IDE: variants seen among roughly 807,000 people sequenced by gnomAD.
IDE encodes insulin-degrading enzyme.
Under a neutral mutation model 133.2 loss-of-function variants are expected in IDE, and 58 were observed. The observed-to-expected ratio is 0.44, with a 90% CI of 0.35 to 0.54. The LOEUF (loss-of-function observed/expected upper bound fraction) is 0.54, where lower values mean the gene tolerates loss of function less well. Ranked by LOEUF, IDE falls within the 20% of genes least tolerant of loss-of-function variation. The pLI is 0.00. For synonymous variants in IDE, 396 were observed against 421.3 expected, an observed-to-expected ratio of 0.94 and a Z score of 0.73; for missense variants, 981 against 1,234.0, an observed-to-expected ratio of 0.79 and a Z score of 3.07.
At chr10:92,511,102 CTT>C (rs749758838) in intron 5 of IDE, among the ~76,000 whole-genome samples, 10 of 105,388 alleles carry the variant, frequency 9.5e-5, no homozygotes, top group Admixed American at 2.0e-4. Flanking sequence ...AAAAAAAAAA[CTT>C]TTTTTTTTTT....
Position 92,487,187 on chromosome 10 carries a change from A to C in IDE, c.1656+9T>G. On this transcript the variant is annotated intron_variant, in intron 13 of 24. Coordinates refer to ENST00000265986, the MANE Select transcript of IDE (RefSeq NM_004969.4). The stretch of plus-strand genomic sequence containing the variant: ...CCCAAATTTAAAATCACTGATTCAA[A>C]CACATTACCTTAATAAGAGCAGGGT... The C allele has an allele frequency of 6.2e-7, 1 of 1,604,832 alleles. No homozygotes were observed. Among genetic ancestry groups the C allele is most frequent in the Non-Finnish European group, 8.5e-7 (1 of 1,177,408 alleles).
intron 12 of IDE, among the ~76,000 whole-genome samples, chr10:92,489,246 T>C (rs1847203967): frequency 1.3e-5 from 2 of 152,104 alleles, no homozygotes; most frequent in South Asian, 4.1e-4. Flanking sequence ...AGTTCCCAGA[T>C]AGATGTGTTC....
intron 1 of IDE, among the ~76,000 whole-genome samples, chr10:92,555,215 G>A (rs1309653466): frequency 6.6e-6 from 1 of 151,986 alleles, no homozygotes; most frequent in African/African-American, 2.4e-5. Flanking sequence ...TCACACTAAA[G>A]AGGCCGGGCA....
rs537629660 is a variant in IDE at position 92,559,110 on chromosome 10, T to C, written c.98+14812A>G. The stretch of plus-strand genomic sequence containing the variant: ...CCACCAGGATGGCTTATAACAAAAG[T>C]ACATATAGCAAGTGTTGTCAAGGAT... On this transcript the variant is annotated intron_variant, in intron 1 of 24. Transcript: ENST00000265986. 3.3e-5 allele frequency: 5 copies of C among 152,232 alleles called. No homozygotes were observed. The East Asian group carries it at 9.6e-4, about 29-fold the overall frequency. 9.4% of individuals were successfully genotyped at this position (152,232 alleles called of 1,614,324 possible).
chr10:92,557,873 T>C (rs12412249), intron 1 of IDE, among the ~76,000 whole-genome samples: 2 of 71,294 alleles, frequency 2.8e-5, no homozygotes, highest in Non-Finnish European at 2.6e-5. Context: ...AGATTCCACC[T>C]CAAAAAAAAA....
chr10:92,479,600 A>AGTGTGTGTGAGTGTGT, intron 14 of IDE, 179 bp from the exon 15 acceptor site: 1 of 536,182 alleles, frequency 1.9e-6, no homozygotes, highest in Non-Finnish European at 3.3e-6. Context: ...AGAAGCCTGA[A>AGTGTGTGTGAGTGTGT]GTGTGTGTGA....
intron 1 of IDE, among the ~76,000 whole-genome samples, chr10:92,573,590 C>A (rs1156754236): frequency 6.6e-6 from 1 of 152,242 alleles, no homozygotes; most frequent in Non-Finnish European, 1.5e-5. Context: ...TGACGCGGCG[C>A]GGCTCCCAGG....
chr10:92,551,413 C>A (rs890640306), intron 1 of IDE, among the ~76,000 whole-genome samples: 1 of 151,532 alleles, frequency 6.6e-6, no homozygotes, highest in Non-Finnish European at 1.5e-5. Context: ...ACTAAAAATA[C>A]AAAAATTAGC....
chr10:92,507,648 AT>A lies in IDE; in HGVS notation c.1171del (p.Ile391PhefsTer27). The A allele has an allele frequency of 6.3e-7, 1 of 1,591,258 alleles. No homozygotes were observed. Among genetic ancestry groups the A allele is most frequent in the Non-Finnish European group, 8.6e-7 (1 of 1,159,206 alleles). On this transcript the variant is annotated frameshift_variant, in exon 9 of 25. Transcript: ENST00000265986. LOFTEE classifies it high-confidence loss of function. ...CTGAATGTATTGAAACATGTGCAAA[AT>A]TATATCTTCAACATGTACTGGAAAA... ...EEGLLHVEDI[I>X]LHMFQYIQKL...
In IDE at chr10:92,455,694, A is replaced by C. The variant is rs149732626; in HGVS notation, c.2897-51T>G. On this transcript the variant is annotated intron_variant, in intron 23 of 24. Coordinates refer to ENST00000265986, the MANE Select transcript of IDE (RefSeq NM_004969.4). The stretch of plus-strand genomic sequence containing the variant: ...CTTTGTACTTATTGATACTATCACA[A>C]AAGAACAAAAAAAAAAAACTAAACC... 6.6e-4 allele frequency: 684 copies of C among 1,035,792 alleles called. 7 individuals carry two copies. The African/African-American group carries it at 0.011, about 16-fold the overall frequency. The allele number at this position is 1,035,792 out of a possible 1,614,324, so 64.2% of individuals were successfully genotyped here.
intron 14 of IDE, among the ~76,000 whole-genome samples, chr10:92,482,224 T>G (rs983601400): frequency 4.6e-5 from 7 of 152,166 alleles, no homozygotes; most frequent in African/African-American, 1.7e-4. Flanking sequence ...ATATTGAACA[T>G]TACTGAACAA....
At chr10:92,515,095 A>T (rs565351490) in intron 4 of IDE, 53 bp from the exon 5 acceptor site, 5 of 1,435,616 alleles carry the variant, frequency 3.5e-6, no homozygotes, top group Middle Eastern at 1.8e-4. Flanking sequence ...GTGGACTTTT[A>T]AAGTTTTGTA....
intron 5 of IDE, among the ~76,000 whole-genome samples, chr10:92,513,664 A>T (rs1017605142): frequency 1.3e-5 from 2 of 149,722 alleles, no homozygotes; most frequent in Non-Finnish European, 3.0e-5. Flanking sequence ...TATATTAATT[A>T]AAAATGTTTA....
chr10:92,489,665 G>C (rs1397566359), intron 12 of IDE, among the ~76,000 whole-genome samples: 1 of 152,174 alleles, frequency 6.6e-6, no homozygotes, highest in Non-Finnish European at 1.5e-5. Flanking sequence ...TCAGTTTAGA[G>C]AGATGGACAT....
Position 92,531,773 on chromosome 10 carries a change from T to A in IDE, c.636A>T (p.Lys212Asn), listed in dbSNP as rs116003953. The change falls in exon 4 of 25, where the codon AAA becomes AAT. Residue 212 changes from lysine (K) to asparagine (N), a missense_variant. Physicochemically the swap from Lys to Asn is moderately conservative, Grantham distance 94. Coordinates refer to ENST00000265986, the MANE Select transcript of IDE (RefSeq NM_004969.4). ...FQLEKATGNPKHPFSKFGTGN... is the reference protein window; with the variant it reads ...FQLEKATGNPNHPFSKFGTGN... ...CTGTCCCAAATTTACTGAAGGGGTG[T>A]TTAGGATTCCCTGTAGCTTTTTCCA... The A allele has an allele frequency of 7.1e-4, 1,141 of 1,596,146 alleles. 10 individuals are homozygous for A. In the African/African-American group the frequency reaches 0.014, roughly 19 times the overall value.
chr10:92,561,981 T>C (rs1006165038), intron 1 of IDE, among the ~76,000 whole-genome samples: 19 of 152,136 alleles, frequency 1.2e-4, no homozygotes, highest in African/African-American at 4.1e-4. Flanking sequence ...AAATATAATG[T>C]TTACAAGGCC....
chr10:92,509,911 ACT>A (rs1848491759), intron 6 of IDE, 137 bp downstream of exon 6: 1 of 527,940 alleles, frequency 1.9e-6, no homozygotes, highest in Non-Finnish European at 3.3e-6. Flanking sequence ...ACAATGCAAG[ACT>A]CTGTTTCCAA....
intron 11 of IDE, among the ~76,000 whole-genome samples, chr10:92,494,852 T>C (rs1418038801): frequency 6.6e-6 from 1 of 152,090 alleles, no homozygotes; most frequent in Non-Finnish European, 1.5e-5. Context: ...TAACACAGAA[T>C]AGGGAAAAGA....
chr10:92,556,035 C>T (rs149771309), intron 1 of IDE, among the ~76,000 whole-genome samples: 3,197 of 151,286 alleles, frequency 0.021, 49 homozygotes, highest in Admixed American at 0.052. Context: ...TAGCGGGGCG[C>T]GGTGGCGGGC....
Sources: allele counts gnomAD v4.1 joint callset (sites outside exome capture counted in the v4.1 genomes callset), GRCh38; gene constraint gnomAD v4.1.1; transcripts MANE v1.5; gene names NCBI Gene and HGNC (gene_info 2026-07-23, HGNC 2026-07-21).